The following LILRA2 variants were observed in gnomAD, a reference collection of about 807,000 sequenced individuals.
LILRA2 encodes the protein leukocyte immunoglobulin-like receptor subfamily A member 2.
LILRA2 carries 45 observed loss-of-function variants against 47.9 expected under a neutral mutation model. The ratio of observed to expected loss-of-function variants is 0.94; its 90% CI spans 0.74 to 1.20. The LOEUF is 1.20. Ranked by LOEUF, LILRA2 falls within the 50% of genes most tolerant of loss-of-function variation. The pLI is 0.00. For missense variants in LILRA2, 651 were observed against 598.2 expected (o/e 1.09, Z -0.92); for synonymous variants, 279 against 249.2 (o/e 1.12, Z -1.13).
At chr19:54,578,664 T>C (rs370787182) in intron 6 of LILRA2, among the ~76,000 whole-genome samples, 1 of 152,344 alleles carries the variant, frequency 6.6e-6, no homozygotes, top group South Asian at 2.1e-4. Flanking sequence ...GGTCAAATGG[T>C]AGTTCTAGTT....
Position 54,587,283 on chromosome 19 carries a change from C to T in LILRA2, c.1389C>T (p.Leu463=), listed in dbSNP as rs141416279. 1.7e-4 allele frequency: 271 copies of T among 1,614,054 alleles called. 2 individuals carry two copies. The African/African-American group carries it at 2.3e-3, about 13-fold the overall frequency. ...TGGCTGGCTTGGTCCTGGTGGTCCTCGGGATTCTGCTATTTGAGGCTCAGC... is the reference window on the plus strand; with the variant it reads ...TGGCTGGCTTGGTCCTGGTGGTCCTTGGGATTCTGCTATTTGAGGCTCAGC... ...MGVAGLVLVV[L]GILLFEAQHS... The change falls in exon 8 of 8, where the codon CTC becomes CTT. Residue 463 remains leucine, a synonymous_variant. Transcript: ENST00000391738.
At chr19:54,584,409 T>C (rs1275561115) in intron 6 of LILRA2, among the ~76,000 whole-genome samples, 1 of 152,166 alleles carries the variant, frequency 6.6e-6, no homozygotes, top group African/African-American at 2.4e-5. Flanking sequence ...TCCGGTACAC[T>C]AGTCAAACAT....
chr19:54,586,935 A>G (rs2062827541), intron 6 of LILRA2, 75 bp from the exon 7 acceptor site: 1 of 1,095,866 alleles, frequency 9.1e-7, no homozygotes, highest in African/African-American at 1.6e-5. Flanking sequence ...GTCAAGAGAC[A>G]CAGGGGAAAA....
intron 6 of LILRA2, among the ~76,000 whole-genome samples, chr19:54,578,122 TA>T (rs2062531084): frequency 2.1e-4 from 31 of 151,074 alleles, no homozygotes; most frequent in East Asian, 1.2e-3. Flanking sequence ...GATTTCTTTA[TA>T]TATATATATA....
At chr19:54,586,925 G>A (rs2062827367) in intron 6 of LILRA2, 85 bp from the exon 7 acceptor site, 3 of 999,826 alleles carry the variant, frequency 3.0e-6, no homozygotes, top group South Asian at 1.5e-5. Flanking sequence ...TAAAACTCAT[G>A]TCAAGAGACA....
At chr19:54,585,492 A>G (rs1195612639) in intron 6 of LILRA2, among the ~76,000 whole-genome samples, 3 of 152,172 alleles carry the variant, frequency 2.0e-5, no homozygotes, top group Non-Finnish European at 4.4e-5. Context: ...CTCCAACCTC[A>G]GCAATGGTGG....
At position 54,574,074 on chromosome 19, in the gene LILRA2, A is replaced by G; in HGVS notation, c.35-2A>G. 1 of 1,614,192 alleles carries G rather than the reference A, an allele frequency of 6.2e-7. No individual in the cohort carries two copies. ...AATCCCTCACAGGGAACTCTCTTCC[A>G]GGGCTGAGTCTGGGCCCCAGGACCC... On this transcript the variant is annotated splice_acceptor_variant, in intron 1 of 7. Coordinates refer to ENST00000391738, the MANE Select transcript of LILRA2 (RefSeq NM_001130917.3). LOFTEE classifies it high-confidence loss of function.
Position 54,575,318 on chromosome 19 carries a change from C to T in LILRA2, c.718C>T (p.Leu240=). 6.2e-7 allele frequency: 1 copy of T among 1,612,924 alleles called. No homozygotes were observed. Among genetic ancestry groups the T allele is most frequent in the Non-Finnish European group, 8.5e-7 (1 of 1,179,476 alleles). ...PGPMVAPGES[L]TLQCVSDVGY... is the part of the protein sequence containing the mutation. Reference sequence around the variant, plus strand: ...TCCTATGGTGGCCCCTGGGGAGAGCCTGACCCTCCAGTGTGTCTCTGATGT... The same window carrying T: ...TCCTATGGTGGCCCCTGGGGAGAGCTTGACCCTCCAGTGTGTCTCTGATGT... Residue 240 remains leucine (L), a synonymous_variant, in exon 5 of 8, where the codon CTG becomes TTG. Transcript: ENST00000391738.
In LILRA2 at chr19:54,587,493, TGTAAGG is replaced by T. The variant is rs2062850132; in HGVS notation, c.*148_*153del. Reference sequence around the variant, plus strand: ...CTAGAGACAGCAATCAATATTTGAGTGTAAGGAAACTGTCTGGGGTGATTCCTAGAA... The same window carrying T: ...CTAGAGACAGCAATCAATATTTGAGTAAACTGTCTGGGGTGATTCCTAGAA... On this transcript the variant is annotated 3_prime_UTR_variant, in exon 8 of 8. Transcript: ENST00000391738. The T allele has an allele frequency of 7.6e-7, 1 of 1,309,848 alleles. No homozygotes were observed. The highest frequency in any genetic ancestry group is 2.7e-5 in the Admixed American group (1 of 36,476). The allele number at this position is 1,309,848 out of a possible 1,614,324, so 81.1% of individuals were successfully genotyped here. A position where few individuals can be genotyped will look rare whatever the true frequency, so the allele number is the denominator to read the frequency against.
chr19:54,578,321 C>A (rs903736896), intron 6 of LILRA2, among the ~76,000 whole-genome samples: 1 of 151,880 alleles, frequency 6.6e-6, no homozygotes, highest in Admixed American at 6.6e-5. Context: ...ATGTTCCCCG[C>A]CCTGTGTCCA....
Position 54,587,254 on chromosome 19 carries a change from G to A in LILRA2, c.1360G>A (p.Gly454Ser). The A allele has an allele frequency of 1.2e-6, 2 of 1,614,110 alleles. No individual in the cohort carries two copies. Among genetic ancestry groups the A allele is most frequent in the Admixed American group, 3.3e-5 (2 of 60,018 alleles). Residue 454 changes from glycine (G) to serine (S), a missense_variant, in exon 8 of 8, where the codon GGT becomes AGT. Coordinates refer to ENST00000391738, the MANE Select transcript of LILRA2 (RefSeq NM_001130917.3). ...CACAGTGGAGAATCTCATCCGCATG[G>A]GTGTGGCTGGCTTGGTCCTGGTGGT... ...DYTVENLIRM[G>S]VAGLVLVVLG... is the part of the protein sequence containing the mutation.
At chr19:54,574,265 A>G in intron 2 of LILRA2, 36 bp from the exon 3 acceptor site, 2 of 1,613,850 alleles carry the variant, frequency 1.2e-6, no homozygotes, top group South Asian at 1.1e-5. Context: ...GTTGGGTGGG[A>G]AATGACTTAG....
chr19:54,579,909 T>G (rs1411423006), intron 6 of LILRA2, among the ~76,000 whole-genome samples: 1 of 152,180 alleles, frequency 6.6e-6, no homozygotes, highest in Non-Finnish European at 1.5e-5. Context: ...GGCTCTCTGT[T>G]TGTCTATTAT....
intron 5 of LILRA2, 111 bp downstream of exon 5, chr19:54,575,663 G>A: frequency 2.3e-6 from 3 of 1,313,340 alleles, no homozygotes; most frequent in South Asian, 1.2e-5. Context: ...GGGAGGGAGA[G>A]ACAGAGAGAG....
In LILRA2 at chr19:54,586,765, C is replaced by T. The variant is rs757191913; in HGVS notation, c.1256-245C>T. Among the ~76,000 whole-genome samples, 10 of 152,272 alleles carry T rather than the reference C, an allele frequency of 6.6e-5. No individual in the cohort carries two copies. The South Asian group carries it at 1.7e-3, about 25-fold the overall frequency. On this transcript the variant is annotated intron_variant, in intron 6 of 7. Coordinates refer to ENST00000391738, the MANE Select transcript of LILRA2 (RefSeq NM_001130917.3). The stretch of plus-strand genomic sequence containing the variant: ...TGTATTGGGGACCACTTACCATATC[C>T]ATGCTGAGCTCCCGGGATGCAGGAA...
chr19:54,573,839 G>T lies in LILRA2; in HGVS notation c.-40G>T. On this transcript the variant is annotated 5_prime_UTR_variant, in exon 1 of 8. Coordinates refer to ENST00000391738, the MANE Select transcript of LILRA2 (RefSeq NM_001130917.3). ...TCTCTCTGTCCTGCCAGCACTGAGGGCTCATCCATCCGCAGAGCAGGGCAG... is the reference window on the plus strand; with the variant it reads ...TCTCTCTGTCCTGCCAGCACTGAGGTCTCATCCATCCGCAGAGCAGGGCAG... The T allele has an allele frequency of 1.2e-6, 2 of 1,614,052 alleles. No individual in the cohort carries two copies. Among genetic ancestry groups the T allele is most frequent in the Non-Finnish European group, 1.7e-6 (2 of 1,179,958 alleles).
At chr19:54,574,170 C>G in intron 2 of LILRA2, 59 bp downstream of exon 2, 1 of 1,614,272 alleles carries the variant, frequency 6.2e-7, no homozygotes, top group Non-Finnish European at 8.5e-7. Context: ...AGGGGCCACC[C>G]CCGTGCAGCT....
chr19:54,578,137 T>A (rs1022686903), intron 6 of LILRA2, among the ~76,000 whole-genome samples: 10 of 150,340 alleles, frequency 6.7e-5, no homozygotes, highest in East Asian at 3.9e-4. Context: ...ATATATATAT[T>A]TTATTATTAT....
chr19:54,576,666 G>C (rs2062455922), intron 6 of LILRA2, among the ~76,000 whole-genome samples: 1 of 152,274 alleles, frequency 6.6e-6, no homozygotes, highest in Non-Finnish European at 1.5e-5. Flanking sequence ...AGGTGTCTGA[G>C]GTTCAGCATT....
Sources: allele counts gnomAD v4.1 joint callset (sites outside exome capture counted in the v4.1 genomes callset), GRCh38; gene constraint gnomAD v4.1.1; transcripts MANE v1.5; gene names NCBI Gene and HGNC (gene_info 2026-07-23, HGNC 2026-07-21).